ZNF382: variants seen among roughly 807,000 people sequenced by gnomAD.
ZNF382 encodes the protein zinc finger protein 382, also known as KRAB/zinc finger suppressor protein 1.
In ZNF382, 20 loss-of-function variants were observed where a neutral mutation model predicts 38.8. The observed-to-expected ratio is 0.51, with a 90% CI of 0.36 to 0.75. The LOEUF (loss-of-function observed/expected upper bound fraction) is 0.75. Among genes scored for constraint, ZNF382 ranks in the 30% least tolerant of loss-of-function variants. ZNF382 has a pLI of 0.00. For synonymous variants in ZNF382, 202 were observed against 223.1 expected, an observed-to-expected ratio of 0.91 and a Z score of 0.84; for missense variants, 546 against 654.1, an observed-to-expected ratio of 0.83 and a Z score of 1.80.
At chr19:36,611,983 T>A (rs1393659114) in intron 4 of ZNF382, among the ~76,000 whole-genome samples, 1 of 152,244 alleles carries the variant, frequency 6.6e-6, no homozygotes, top group East Asian at 1.9e-4. Context: ...TTGCTGCTAT[T>A]ACCTTACCAA....
intron 4 of ZNF382, among the ~76,000 whole-genome samples, chr19:36,614,638 TAA>T (rs1260507805): frequency 6.6e-6 from 1 of 151,964 alleles, no homozygotes; most frequent in Non-Finnish European, 1.5e-5. Context: ...TTGTACATAG[TAA>T]GAGTGGCTGG....
At chr19:36,608,904 T>G (rs969258289) in intron 2 of ZNF382, 7 of 152,254 alleles carry the variant, frequency 4.6e-5, no homozygotes, top group African/African-American at 7.2e-5. Context: ...CCATCTCTGT[T>G]GTAATGGTGG....
In ZNF382 at chr19:36,625,392, G is replaced by A. The variant is rs572447407; in HGVS notation, c.233-738G>A. On this transcript the variant is annotated intron_variant, in intron 4 of 4. Transcript: ENST00000292928. Reference sequence around the variant, plus strand: ...GGAAGCACTTATAACACATTTAGTCGTGAGGGGATAAATGTATAGCTTTTC... The same window carrying A: ...GGAAGCACTTATAACACATTTAGTCATGAGGGGATAAATGTATAGCTTTTC... Among the ~76,000 whole-genome samples, 45 of 151,822 alleles carry A rather than the reference G, an allele frequency of 3.0e-4. 1 individual carries two copies. The highest frequency in any genetic ancestry group is 8.3e-4 in the South Asian group (4 of 4,812).
At chr19:36,613,039 C>T (rs2037091622) in intron 4 of ZNF382, among the ~76,000 whole-genome samples, 2 of 152,182 alleles carry the variant, frequency 1.3e-5, no homozygotes, top group African/African-American at 4.8e-5. Flanking sequence ...CATCCGCCCA[C>T]CTTGGCCTCC....
Position 36,626,831 on chromosome 19 carries a change from A to G in ZNF382, c.934A>G (p.Ile312Val), listed in dbSNP as rs142141543. 389 of 1,614,264 alleles carry G rather than the reference A, an allele frequency of 2.4e-4. 1 individual carries two copies. Among genetic ancestry groups the G allele is most frequent in the South Asian group, 6.0e-4 (55 of 91,092 alleles). The part of the protein sequence containing the change: ...GNNFRRKSYL[I>V]EHQRIHTGEK... The stretch of plus-strand genomic sequence containing the variant: ...TAACTTTAGAAGGAAGTCATACCTC[A>G]TTGAACATCAGCGAATTCACACAGG... Residue 312 changes from isoleucine to valine, a missense_variant, in exon 5 of 5, where the codon ATT becomes GTT. Ile to Val is a conservative substitution (Grantham distance 29). Transcript: ENST00000292928.
At chr19:36,612,115 C>A (rs1226990101) in intron 4 of ZNF382, among the ~76,000 whole-genome samples, 1 of 152,216 alleles carries the variant, frequency 6.6e-6, no homozygotes, top group Non-Finnish European at 1.5e-5. Context: ...AAGACAGTTT[C>A]ATTAACCCAT....
In ZNF382 at chr19:36,627,454, A is replaced by G. The variant is rs753312128; in HGVS notation, c.1557A>G (p.Pro519=). Residue 519 remains proline, a synonymous_variant, in exon 5 of 5, where the codon CCA becomes CCG. Transcript: ENST00000292928. ...RHQKTHTGEK[P]YECKQCGKFF... ...AGAAAACTCACACAGGCGAGAAACCATATGAATGTAAACAGTGTGGGAAGT... is the reference window on the plus strand; with the variant it reads ...AGAAAACTCACACAGGCGAGAAACCGTATGAATGTAAACAGTGTGGGAAGT... The G allele has an allele frequency of 3.1e-6, 5 of 1,614,140 alleles. No individual in the cohort carries two copies. The highest frequency in any genetic ancestry group is 2.2e-5 in the East Asian group (1 of 44,882).
chr19:36,607,817 T>C (rs2037046837), intron 2 of ZNF382, 195 bp downstream of exon 2: 1 of 565,318 alleles, frequency 1.8e-6, no homozygotes, highest in Non-Finnish European at 3.0e-6. Flanking sequence ...GGCTGTGCCC[T>C]CCTAAATTTT....
At chr19:36,625,195 TC>T (rs2037202569) in intron 4 of ZNF382, among the ~76,000 whole-genome samples, 1 of 147,350 alleles carries the variant, frequency 6.8e-6, no homozygotes, top group African/African-American at 2.5e-5. Flanking sequence ...ATTTTATAAT[TC>T]CTCATGGGAA....
rs1309639068 is a variant in ZNF382, at chr19:36,627,504, T to C, written c.1607T>C (p.Ile536Thr). 3 of 1,613,086 alleles carry C rather than the reference T, an allele frequency of 1.9e-6. No homozygotes were observed. Among genetic ancestry groups the C allele is most frequent in the African/African-American group, 1.3e-5 (1 of 75,054 alleles). ...TTCTTCAGTTGTAAGTCAAACCTCATTGTCCATCAGAAAACTCACAAGGTA... is the reference window on the plus strand; with the variant it reads ...TTCTTCAGTTGTAAGTCAAACCTCACTGTCCATCAGAAAACTCACAAGGTA... The part of the protein sequence containing the change: ...GKFFSCKSNL[I>T]VHQKTHKVET... The change falls in exon 5 of 5, where the codon ATT becomes ACT. Residue 536 changes from isoleucine to threonine, a missense_variant. Coordinates refer to ENST00000292928, the MANE Select transcript of ZNF382 (RefSeq NM_032825.5).
At chr19:36,606,631 T>G (rs1445443564) in intron 1 of ZNF382, among the ~76,000 whole-genome samples, 2 of 146,840 alleles carry the variant, frequency 1.4e-5, no homozygotes, top group African/African-American at 5.0e-5. Flanking sequence ...GCCAAAGTAC[T>G]GGGATTACAG....
intron 4 of ZNF382, among the ~76,000 whole-genome samples, chr19:36,611,269 G>A (rs891458028): frequency 2.0e-5 from 3 of 151,828 alleles, no homozygotes; most frequent in Non-Finnish European, 2.9e-5. Context: ...CAGCCTAGGC[G>A]ACAGAGCGAG....
At chr19:36,613,135 T>C (rs1207185661) in intron 4 of ZNF382, among the ~76,000 whole-genome samples, 1 of 152,212 alleles carries the variant, frequency 6.6e-6, no homozygotes, top group Non-Finnish European at 1.5e-5. Context: ...AGTATGTATT[T>C]TTCCTTGAGT....
At chr19:36,614,218 TAGTCCC>T (rs2037102751) in intron 4 of ZNF382, among the ~76,000 whole-genome samples, 1 of 152,154 alleles carries the variant, frequency 6.6e-6, no homozygotes. Context: ...CACATGCCTG[TAGTCCC>T]AGCTACTCGG....
chr19:36,615,160 A>AT (rs1468266700), intron 4 of ZNF382, among the ~76,000 whole-genome samples: 1 of 150,844 alleles, frequency 6.6e-6, no homozygotes, highest in Admixed American at 6.6e-5. Context: ...TAATTTTTGT[A>AT]TTTTTTTAGT....
intron 4 of ZNF382, among the ~76,000 whole-genome samples, chr19:36,617,066 C>T (rs530408411): frequency 4.5e-4 from 68 of 152,052 alleles, no homozygotes; most frequent in Non-Finnish European, 9.0e-4. Flanking sequence ...AAAGTAATGC[C>T]AAGAAGAAAG....
rs536686594 is a variant in ZNF382 at position 36,624,088 on chromosome 19, CA to C, written c.233-2031del. Among the ~76,000 whole-genome samples, 863 of 131,778 alleles carry C rather than the reference CA, an allele frequency of 6.5e-3. 6 individuals are homozygous for C. The highest frequency in any genetic ancestry group is 0.018 in the South Asian group (75 of 4,104). The allele number at this position is 131,778 out of a possible 152,430, so 86.5% of individuals were successfully genotyped here. A position where few individuals can be genotyped will look rare whatever the true frequency, so the allele number is the denominator to read the frequency against. ...TGAGTGACAGAGTGAGACTTTGTCT[CA>C]AAAAAAAAAAGGAAAGACTATGTGA... On this transcript the variant is annotated intron_variant, in intron 4 of 4. Coordinates refer to ENST00000292928, the MANE Select transcript of ZNF382 (RefSeq NM_032825.5).
intron 4 of ZNF382, among the ~76,000 whole-genome samples, chr19:36,613,195 G>A (rs1455015541): frequency 2.6e-5 from 4 of 152,104 alleles, no homozygotes; most frequent in African/African-American, 9.7e-5. Flanking sequence ...TTCAATGTAT[G>A]TATTACAAAT....
Position 36,633,977 on chromosome 19 carries a change from T to C in ZNF382, c.*6427T>C, listed in dbSNP as rs1380015158. ...TGCACGAGGCAATTCTTTGAGGTGT[T>C]GGAATTGTTTTGTATCCTGCTTGTG... On this transcript the variant is annotated 3_prime_UTR_variant, in exon 5 of 5. Coordinates refer to ENST00000292928, the MANE Select transcript of ZNF382 (RefSeq NM_032825.5). The C allele has an allele frequency of 6.6e-6, 1 of 152,092 alleles. No individual in the cohort carries two copies. The highest frequency in any genetic ancestry group is 1.5e-5 in the Non-Finnish European group (1 of 68,008). The allele number at this position is 152,092 out of a possible 1,614,324, so 9.4% of individuals were successfully genotyped here. A position where few individuals can be genotyped will look rare whatever the true frequency, so the allele number is the denominator to read the frequency against.
Sources: gnomAD v4.1 joint callset for allele counts (sites outside exome capture counted in the v4.1 genomes callset) on GRCh38, gnomAD v4.1.1 for gene constraint, MANE v1.5 for transcripts, NCBI Gene and HGNC (gene_info 2026-07-23, HGNC 2026-07-21) for gene names.